TRPM5: variants seen among roughly 807,000 people sequenced by gnomAD.
TRPM5 encodes the protein transient receptor potential cation channel subfamily M member 5, also known as MLSN1 and TRP-related.
Under a neutral mutation model 124.9 loss-of-function variants are expected in TRPM5, and 121 were observed. The observed-to-expected ratio is 0.97, with a 90% CI of 0.84 to 1.13. The LOEUF (loss-of-function observed/expected upper bound fraction) is 1.13, where lower values mean the gene tolerates loss of function less well. Ranked by LOEUF, TRPM5 falls within the 50% of genes most tolerant of loss-of-function variation. The pLI is 0.00. For missense variants in TRPM5, 1,643 were observed against 1,589.1 expected, an observed-to-expected ratio of 1.03 and a Z score of -0.58; for synonymous variants, 781 against 700.5, an observed-to-expected ratio of 1.11 and a Z score of -1.81.
intron 18 of TRPM5, among the ~76,000 whole-genome samples, chr11:2,409,038 C>T (rs1357654068): frequency 6.6e-6 from 1 of 152,230 alleles, no homozygotes; most frequent in Non-Finnish European, 1.5e-5. Flanking sequence ...TCCCAGGTTC[C>T]TGCCTCTGTG....
intron 1 of TRPM5, 74 bp from the exon 7 acceptor site, chr11:2,422,395 G>C: frequency 2.1e-5 from 20 of 953,132 alleles, no homozygotes; most frequent in East Asian, 4.1e-5. Flanking sequence ...GGGGGGGCTG[G>C]ACACAAGGGG....
intron 21 of TRPM5, 129 bp downstream of exon 26, chr11:2,406,532 G>A (rs557817175): frequency 3.5e-5 from 45 of 1,300,960 alleles, no homozygotes; most frequent in African/African-American, 7.4e-5. Flanking sequence ...CCCTGGGCTC[G>A]GCCAGAGCCC....
Position 2,406,652 on chromosome 11 carries a change from C to T in TRPM5, c.3251+9G>A. 2 of 1,601,438 alleles carry T rather than the reference C, an allele frequency of 1.2e-6. No individual in the cohort carries two copies. Among genetic ancestry groups the T allele is most frequent in the African/African-American group, 1.3e-5 (1 of 74,902 alleles). The stretch of plus-strand genomic sequence containing the variant: ...GATACCCACCAGTGATCAGGACAGG[C>T]CCCCGCACCTGTGGGCGGTTTTCCG... On this transcript the variant is annotated intron_variant, in intron 21 of 23. Transcript: ENST00000155858.
chr11:2,413,650 C>G (rs1850502055), intron 12 of TRPM5, 62 bp from the exon 18 acceptor site: 1 of 1,464,756 alleles, frequency 6.8e-7, no homozygotes, highest in African/African-American at 1.4e-5. Flanking sequence ...GCGCCCTGCC[C>G]CAGGAATGCC....
At chr11:2,418,191 C>A in exon 6 of TRPM5, 1 of 1,580,928 alleles carries the variant, frequency 6.3e-7, no homozygotes, top group East Asian at 2.3e-5. Context: ...GCACGATGTC[C>A]TCCCAAGAGA....
At chr11:2,405,967 C>T in intron 22 of TRPM5, 52 bp downstream of exon 27, 1 of 1,527,464 alleles carries the variant, frequency 6.5e-7, no homozygotes. Flanking sequence ...CCCAGTAGCC[C>T]CACGCAGCCA....
chr11:2,415,173 T>C, exon 9 of TRPM5: 1 of 1,583,806 alleles, frequency 6.3e-7, no homozygotes, highest in Non-Finnish European at 8.6e-7. Flanking sequence ...TCGGCAGGCG[T>C]CCTGCAGGAA....
intron 13 of TRPM5, 106 bp downstream of exon 18, chr11:2,413,370 A>T: frequency 7.6e-7 from 1 of 1,312,506 alleles, no homozygotes; most frequent in Non-Finnish European, 1.0e-6. Flanking sequence ...CTTGGGGGCT[A>T]CAGAGTCAGG....
At chr11:2,419,062 C>G (rs565858751) in intron 4 of TRPM5, among the ~76,000 whole-genome samples, 2 of 152,224 alleles carry the variant, frequency 1.3e-5, no homozygotes, top group African/African-American at 4.8e-5. Flanking sequence ...TATGTGAAGC[C>G]CCCAGAGAGG....
intron 19 of TRPM5, among the ~76,000 whole-genome samples, 170 bp downstream of exon 24, chr11:2,407,589 G>A (rs1183348749): frequency 6.6e-6 from 1 of 152,196 alleles, no homozygotes; most frequent in African/African-American, 2.4e-5. Flanking sequence ...TCCCGGTCTT[G>A]GGCAGGCAAA....
At chr11:2,438,346 C>T in the TRPM5 span, among the ~76,000 whole-genome samples, 5 of 152,152 alleles carry the variant, frequency 3.3e-5, no homozygotes, top group South Asian at 2.1e-4. This position sits in a 1 kb window ranked among gnomAD's most constrained non-coding sequence, Gnocchi z 5.9. Context: ...CAGGAGATGA[C>T]GCATCTCCAC....
rs753886171 is a variant in TRPM5, at chr11:2,422,889, A to T, written c.117+31T>A. On this transcript the variant is annotated intron_variant, in intron 1 of 23. Transcript: ENST00000155858. ...CCTCATGGGTTCCAGGTCAAGGCGG[A>T]CATCACCTGAGGCCTGGGGCCTGCC... 3.2e-6 allele frequency: 5 copies of T among 1,578,358 alleles called. No individual in the cohort carries two copies. In the African/African-American group the frequency reaches 6.7e-5, roughly 21 times the overall value.
intron 4 of TRPM5, among the ~76,000 whole-genome samples, chr11:2,419,795 G>A (rs1845741027): frequency 6.6e-6 from 1 of 152,184 alleles, no homozygotes; most frequent in East Asian, 1.9e-4. Flanking sequence ...ACGTGCGACT[G>A]GCCAGAGGTG....
exon 9 of TRPM5, chr11:2,415,223 C>G: frequency 1.3e-6 from 2 of 1,575,792 alleles, no homozygotes; most frequent in Admixed American, 1.8e-5. Flanking sequence ...GGGAGAAGGC[C>G]GGTGGCCCCG....
chr11:2,427,246 T>C (rs1845847307), upstream of TRPM5, among the ~76,000 whole-genome samples: 1 of 152,188 alleles, frequency 6.6e-6, no homozygotes, highest in South Asian at 2.1e-4. Flanking sequence ...CCACCTGCCC[T>C]TCCCACCTGG....
At position 2,410,617 on chromosome 11, in the gene TRPM5, A is replaced by G. The variant is rs187630329; in HGVS notation, c.2782+735T>C. On this transcript the variant is annotated intron_variant, in intron 18 of 23. Coordinates refer to ENST00000155858, the Ensembl canonical transcript of TRPM5. ...TGCCCCACCCCAGAGCTCCCCACCA[A>G]CCCATCACTACAGAGGCCCCCATGG... 3.2e-5 allele frequency: 14 copies of G among 443,292 alleles called. No individual in the cohort carries two copies. The East Asian group carries it at 1.0e-3, about 32-fold the overall frequency. The allele number at this position is 443,292 out of a possible 1,614,324, so 27.5% of individuals were successfully genotyped here.
chr11:2,422,394 G>A, intron 1 of TRPM5, 73 bp from the exon 7 acceptor site: 1 of 1,296,320 alleles, frequency 7.7e-7, no homozygotes, highest in South Asian at 1.3e-5. Flanking sequence ...GGGGGGGGCT[G>A]GACACAAGGG....
chr11:2,434,245 C>T, the TRPM5 span, among the ~76,000 whole-genome samples: 11 of 139,896 alleles, frequency 7.9e-5, no homozygotes, highest in African/African-American at 1.6e-4. Flanking sequence ...CATGTGTGTG[C>T]GTGGACACTG....
At position 2,406,107 on chromosome 11, in the gene TRPM5, G is replaced by C; in HGVS notation, c.3252-16C>G. 6.2e-7 allele frequency: 1 copy of C among 1,610,432 alleles called. No homozygotes were observed. The highest frequency in any genetic ancestry group is 1.7e-5 in the Admixed American group (1 of 60,018). On this transcript the variant is annotated splice_polypyrimidine_tract_variant and intron_variant, in intron 21 of 23. Coordinates refer to ENST00000155858, the Ensembl canonical transcript of TRPM5. The stretch of plus-strand genomic sequence containing the variant: ...GAAGTCCACTCTGCGGCAGGAGCAG[G>C]TGGTCAGGCTGTGGATGGCCACGCG...
Sources: gnomAD v4.1 joint callset for allele counts (sites outside exome capture counted in the v4.1 genomes callset) on GRCh38, gnomAD v4.1.1 for gene constraint, Gnocchi (gnomAD v3.1) non-coding constraint, MANE v1.5 for transcripts, NCBI Gene and HGNC (gene_info 2026-07-23, HGNC 2026-07-21) for gene names.